F11R: variants seen among roughly 807,000 people sequenced by gnomAD.
F11R encodes junctional adhesion molecule A.
A neutral mutation model predicts 39.3 loss-of-function variants in F11R; 27 were observed. The ratio of observed to expected loss-of-function variants is 0.69; its 90% CI spans 0.51 to 0.95. The LOEUF is 0.95. Ranked by LOEUF, F11R falls within the 40% of genes least tolerant of loss-of-function variation. The pLI is 0.00. For missense variants in F11R, 335 were observed against 372.7 expected, an observed-to-expected ratio of 0.90 and a Z score of 0.83; for synonymous variants, 131 against 144.9, an observed-to-expected ratio of 0.90 and a Z score of 0.69.
chr1:161,017,279 A>T (rs1167664754), intron 1 of F11R, among the ~76,000 whole-genome samples: 2 of 152,186 alleles, frequency 1.3e-5, no homozygotes, highest in African/African-American at 2.4e-5. Context: ...GAGGAGGATT[A>T]GTATAAGAGG....
intron 1 of F11R, among the ~76,000 whole-genome samples, chr1:161,004,913 CA>C (rs1016443390): frequency 3.9e-4 from 59 of 151,980 alleles, no homozygotes; most frequent in Admixed American, 3.9e-3. Context: ...GTAATTCCAG[CA>C]CTTTGGGAGG....
At chr1:161,017,578 T>G (rs1418264854) in intron 1 of F11R, among the ~76,000 whole-genome samples, 1 of 152,180 alleles carries the variant, frequency 6.6e-6, no homozygotes, top group East Asian at 1.9e-4. Flanking sequence ...CTCCCCACAA[T>G]TGTCTTGTGA....
At chr1:160,999,465 G>A in intron 7 of F11R, 57 bp from the exon 8 acceptor site, 3 of 1,613,028 alleles carry the variant, frequency 1.9e-6, no homozygotes, top group Non-Finnish European at 1.7e-6. Flanking sequence ...AGCATGGCTT[G>A]GGAAGATGGA....
intron 8 of F11R, 141 bp from the exon 9 acceptor site, chr1:160,999,232 A>G: frequency 3.5e-6 from 5 of 1,412,888 alleles, no homozygotes; most frequent in South Asian, 1.2e-5. Flanking sequence ...GTAACAGGAC[A>G]GACCCAGGGC....
chr1:161,013,129 TA>T (rs966859327), intron 1 of F11R, among the ~76,000 whole-genome samples: 1 of 149,602 alleles, frequency 6.7e-6, no homozygotes, highest in African/African-American at 2.5e-5. Context: ...GTTGTTCATT[TA>T]GGGAAAAAAA....
chr1:161,000,833 C>T (rs1648436743), intron 3 of F11R, 56 bp from the exon 4 acceptor site: 2 of 1,605,900 alleles, frequency 1.2e-6, no homozygotes, highest in Admixed American at 1.7e-5. Context: ...CTAAGGGAGG[C>T]TGATGAAGGG....
At chr1:161,019,338 G>A (rs1382322229) in intron 1 of F11R, among the ~76,000 whole-genome samples, 6 of 152,152 alleles carry the variant, frequency 3.9e-5, no homozygotes, top group African/African-American at 1.4e-4. Flanking sequence ...GCTCACACCT[G>A]TAATCCCAGC....
At chr1:161,001,915 T>C (rs1648516964) in intron 1 of F11R, among the ~76,000 whole-genome samples, 1 of 152,144 alleles carries the variant, frequency 6.6e-6, no homozygotes, top group South Asian at 2.1e-4. Context: ...AAGACGTATA[T>C]TATTATCCCG....
intron 1 of F11R, among the ~76,000 whole-genome samples, chr1:161,012,038 G>A (rs1033679007): frequency 2.6e-5 from 4 of 151,984 alleles, no homozygotes; most frequent in African/African-American, 4.8e-5. Context: ...TAGTCAATAC[G>A]TGTCTGCAGT....
intron 1 of F11R, among the ~76,000 whole-genome samples, chr1:161,016,357 T>C (rs1649464777): frequency 6.6e-6 from 1 of 152,036 alleles, no homozygotes; most frequent in Non-Finnish European, 1.5e-5. Flanking sequence ...GCGCCTGTAG[T>C]CCCAGCTACT....
intron 1 of F11R, among the ~76,000 whole-genome samples, chr1:161,006,093 G>A (rs1421706813): frequency 6.7e-6 from 1 of 149,034 alleles, no homozygotes; most frequent in Non-Finnish European, 1.5e-5. Context: ...AGCCAAGATC[G>A]CACCACTGCA....
intron 7 of F11R, 112 bp downstream of exon 7, chr1:160,999,528 G>C: frequency 6.6e-7 from 1 of 1,519,004 alleles, no homozygotes; most frequent in South Asian, 1.1e-5. Flanking sequence ...TTCCCCAGGG[G>C]ACAACACCCA....
At position 160,999,725 on chromosome 1, in the gene F11R, G is replaced by A. The variant is rs369438615; in HGVS notation, c.717C>T (p.Ile239=). ...TCAGGGTTACAAGGACGGCTGCCACGATGACCCCCACATTCCGCTCCACTG... is the reference window on the plus strand; with the variant it reads ...TCAGGGTTACAAGGACGGCTGCCACAATGACCCCCACATTCCGCTCCACTG... ...MEAVERNVGV[I]VAAVLVTLIL... is the part of the protein sequence containing the mutation. The change falls in exon 7 of 10, where the codon ATC becomes ATT. Residue 239 remains isoleucine, a synonymous_variant. Coordinates refer to ENST00000368026, the MANE Select transcript of F11R (RefSeq NM_016946.6). 157 of 1,614,008 alleles carry A rather than the reference G, an allele frequency of 9.7e-5. No individual in the cohort carries two copies. Among genetic ancestry groups the A allele is most frequent in the Non-Finnish European group, 1.2e-4 (138 of 1,180,018 alleles).
At position 160,998,547 on chromosome 1, in the gene F11R, C is replaced by A; in HGVS notation, c.*324G>T. On this transcript the variant is annotated 3_prime_UTR_variant, in exon 10 of 10. Transcript: ENST00000368026. Reference sequence around the variant, plus strand: ...CAGGTGGGCAGTTGAGTGCAGATTCCTGCGACCCCCGCCATTTTTGCTGTC... The same window carrying A: ...CAGGTGGGCAGTTGAGTGCAGATTCATGCGACCCCCGCCATTTTTGCTGTC... 1.9e-6 allele frequency: 1 copy of A among 514,942 alleles called. No individual in the cohort carries two copies. The highest frequency in any genetic ancestry group is 2.5e-5 in the South Asian group (1 of 39,912). 31.9% of individuals were successfully genotyped at this position (514,942 alleles called of 1,614,324 possible).
intron 1 of F11R, among the ~76,000 whole-genome samples, chr1:161,001,633 T>C (rs1345591536): frequency 2.6e-5 from 4 of 152,228 alleles, no homozygotes; most frequent in African/African-American, 9.6e-5. Flanking sequence ...AATAATCTAA[T>C]TAGATTTCTA....
In F11R at chr1:160,998,706, G is replaced by C. The variant is rs111999502; in HGVS notation, c.*165C>G. The C allele has an allele frequency of 8.7e-5, 57 of 656,488 alleles. No individual in the cohort carries two copies. The Middle Eastern group carries it at 2.1e-3, about 24-fold the overall frequency. 40.7% of individuals were successfully genotyped at this position (656,488 alleles called of 1,614,324 possible). A position where few individuals can be genotyped will look rare whatever the true frequency, so the allele number is the denominator to read the frequency against. On this transcript the variant is annotated 3_prime_UTR_variant, in exon 10 of 10. Transcript: ENST00000368026. ...AGGGAGGGAGGGCATGAAGGAGGAT[G>C]GGGCACATAGCTGACATTATTAAAA...
At chr1:161,010,952 C>T (rs866589260) in intron 1 of F11R, among the ~76,000 whole-genome samples, 6 of 116,618 alleles carry the variant, frequency 5.1e-5, no homozygotes, top group Admixed American at 2.2e-4. Context: ...CCAGTCTGGG[C>T]GATAGAGTGG....
chr1:161,018,429 C>G (rs1649579363), intron 1 of F11R, among the ~76,000 whole-genome samples: 1 of 152,202 alleles, frequency 6.6e-6, no homozygotes, highest in Non-Finnish European at 1.5e-5. Context: ...CTGACTCTAG[C>G]CATTTGGGAT....
intron 7 of F11R, 98 bp downstream of exon 7, chr1:160,999,542 A>C (rs767300843): frequency 2.7e-6 from 4 of 1,506,690 alleles, no homozygotes; most frequent in Non-Finnish European, 3.7e-6. Context: ...ACACCCACAC[A>C]CATGAGCACA....
Sources: gnomAD v4.1 joint callset for allele counts (sites outside exome capture counted in the v4.1 genomes callset) on GRCh38, gnomAD v4.1.1 for gene constraint, MANE v1.5 for transcripts, NCBI Gene and HGNC (gene_info 2026-07-23, HGNC 2026-07-21) for gene names.